The following SPIDR variants were observed in gnomAD, a reference collection of about 807,000 sequenced individuals.
SPIDR encodes scaffold protein involved in DNA repair.
SPIDR carries 93 observed loss-of-function variants against 104.6 expected under a neutral mutation model. The ratio of observed to expected loss-of-function variants is 0.89; its 90% CI spans 0.75 to 1.06. The LOEUF (loss-of-function observed/expected upper bound fraction) is 1.06, where lower values mean the gene tolerates loss of function less well. SPIDR is among the 50% of genes least tolerant of loss of function. The pLI is 0.00. For synonymous variants in SPIDR, 431 were observed against 416.9 expected (o/e 1.03, Z -0.41); for missense variants, 1,154 against 1,111.2 (o/e 1.04, Z -0.55).
intron 8 of SPIDR, among the ~76,000 whole-genome samples, chr8:47,588,860 G>A (rs1211584054): frequency 6.6e-6 from 1 of 151,996 alleles, no homozygotes; most frequent in African/African-American, 2.4e-5. Flanking sequence ...CCTTCAACTT[G>A]GTGAAGGTGA....
intron 11 of SPIDR, among the ~76,000 whole-genome samples, chr8:47,693,511 G>A (rs938349960): frequency 3.9e-5 from 6 of 152,164 alleles, no homozygotes; most frequent in South Asian, 2.1e-4. Flanking sequence ...GAGTCCTGCC[G>A]GCCCTGCTAG....
At chr8:47,733,470 T>A (rs951378186) in intron 19 of SPIDR, among the ~76,000 whole-genome samples, 1 of 152,240 alleles carries the variant, frequency 6.6e-6, no homozygotes, top group Non-Finnish European at 1.5e-5. Context: ...GATTTTTTGC[T>A]GGCTTTTTCC....
At chr8:47,295,118 T>C (rs961403089) in intron 5 of SPIDR, among the ~76,000 whole-genome samples, 1 of 152,186 alleles carries the variant, frequency 6.6e-6, no homozygotes, top group Non-Finnish European at 1.5e-5. Context: ...ATCTCTGACA[T>C]TGTATTTTTC....
intron 5 of SPIDR, among the ~76,000 whole-genome samples, chr8:47,298,202 T>C (rs940564770): frequency 1.3e-5 from 2 of 152,376 alleles, no homozygotes; most frequent in South Asian, 4.1e-4. Context: ...ATTTCTCTGA[T>C]GGCCAGTGAT....
chr8:47,302,369 A>C (rs2042247774), intron 5 of SPIDR, among the ~76,000 whole-genome samples: 1 of 151,690 alleles, frequency 6.6e-6, no homozygotes, highest in African/African-American at 2.4e-5. Context: ...AAGATTTTTA[A>C]CTTCTTTGCC....
intron 5 of SPIDR, among the ~76,000 whole-genome samples, chr8:47,298,082 A>G (rs1274327703): frequency 5.9e-5 from 9 of 152,192 alleles, no homozygotes; most frequent in Admixed American, 2.6e-4. Flanking sequence ...CAACAGTGTA[A>G]AAGTGTTCCT....
At chr8:47,304,530 G>C (rs1353434189) in intron 5 of SPIDR, among the ~76,000 whole-genome samples, 2 of 152,014 alleles carry the variant, frequency 1.3e-5, no homozygotes, top group Non-Finnish European at 2.9e-5. Flanking sequence ...AAATAAATAC[G>C]TAAAAGTGTG....
At chr8:47,611,565 G>T (rs930923660) in intron 10 of SPIDR, among the ~76,000 whole-genome samples, 3 of 152,056 alleles carry the variant, frequency 2.0e-5, no homozygotes, top group African/African-American at 7.2e-5. Flanking sequence ...AGGCATGGTG[G>T]CTGGTGCCTG....
chr8:47,534,357 A>T (rs2086556378), intron 8 of SPIDR, among the ~76,000 whole-genome samples: 1 of 152,242 alleles, frequency 6.6e-6, no homozygotes, highest in Non-Finnish European at 1.5e-5. Flanking sequence ...CACTGTTCAC[A>T]ATAGCAAAGA....
intron 1 of SPIDR, among the ~76,000 whole-genome samples, chr8:47,276,678 A>G (rs893427565): frequency 9.2e-5 from 14 of 152,220 alleles, no homozygotes; most frequent in Non-Finnish European, 1.3e-4. Flanking sequence ...ATAACTCTAT[A>G]AGGCTGCTGG....
chr8:47,713,819 G>A (rs2082196228), intron 16 of SPIDR, among the ~76,000 whole-genome samples, 178 bp downstream of exon 16: 1 of 152,200 alleles, frequency 6.6e-6, no homozygotes, highest in Non-Finnish European at 1.5e-5. Flanking sequence ...TGCACAGAAA[G>A]ATGTGAATCA....
At chr8:47,718,055 T>A (rs887597972) in intron 16 of SPIDR, among the ~76,000 whole-genome samples, 1 of 152,216 alleles carries the variant, frequency 6.6e-6, no homozygotes, top group Non-Finnish European at 1.5e-5. Context: ...GCCAGACACA[T>A]TGAAGGACTC....
intron 9 of SPIDR, among the ~76,000 whole-genome samples, chr8:47,598,244 A>C (rs1314006477): frequency 6.6e-6 from 1 of 152,206 alleles, no homozygotes; most frequent in Admixed American, 6.5e-5. Context: ...GAGCCAGATG[A>C]CCTGGTTCAA....
chr8:47,685,017 G>A (rs2077564507), intron 11 of SPIDR, among the ~76,000 whole-genome samples: 1 of 152,148 alleles, frequency 6.6e-6, no homozygotes, highest in Non-Finnish European at 1.5e-5. Flanking sequence ...TCAGAGGTTC[G>A]AGACCAGCCT....
chr8:47,419,488 G>T (rs540264420), intron 7 of SPIDR, among the ~76,000 whole-genome samples: 1 of 151,916 alleles, frequency 6.6e-6, no homozygotes, highest in Non-Finnish European at 1.5e-5. Context: ...TTTTTATTGC[G>T]TCTATTTGAT....
chr8:47,545,103 CTT>C, intron 8 of SPIDR, among the ~76,000 whole-genome samples: 1 of 132,978 alleles, frequency 7.5e-6, no homozygotes, highest in Non-Finnish European at 1.6e-5. Flanking sequence ...TTCTTTCTTT[CTT>C]TCTTTCTTTC....
chr8:47,489,485 A>T (rs2078292631), intron 8 of SPIDR, among the ~76,000 whole-genome samples: 1 of 152,256 alleles, frequency 6.6e-6, no homozygotes, highest in Non-Finnish European at 1.5e-5. Flanking sequence ...CTTTCTTCAC[A>T]GAATTGGAAA....
At chr8:47,655,787 T>C (rs2072670417) in intron 10 of SPIDR, among the ~76,000 whole-genome samples, 1 of 152,228 alleles carries the variant, frequency 6.6e-6, no homozygotes, top group African/African-American at 2.4e-5. Flanking sequence ...GTTTTAGACA[T>C]GAAGTCCTTG....
chr8:47,343,697 G>A lies in SPIDR; in HGVS notation c.525+49667G>A, dbSNP rs146317656. Among the ~76,000 whole-genome samples, 1,370 of 152,262 alleles carry A rather than the reference G, an allele frequency of 9.0e-3. 17 individuals carry two copies. Among genetic ancestry groups the A allele is most frequent in the Middle Eastern group, 0.014 (4 of 294 alleles). ...CACAGAACTGATGGGCTAAAGTGTGGAAGGACATCCTGTTTCGGGCAGGGA... is the reference window on the plus strand; with the variant it reads ...CACAGAACTGATGGGCTAAAGTGTGAAAGGACATCCTGTTTCGGGCAGGGA... On this transcript the variant is annotated intron_variant, in intron 5 of 19. Coordinates refer to ENST00000297423, the MANE Select transcript of SPIDR (RefSeq NM_001080394.4).
Sources: gnomAD v4.1 joint callset for allele counts (sites outside exome capture counted in the v4.1 genomes callset) on GRCh38, gnomAD v4.1.1 for gene constraint, MANE v1.5 for transcripts, NCBI Gene and HGNC (gene_info 2026-07-23, HGNC 2026-07-21) for gene names.